The following DYM variants were observed in gnomAD, a reference collection of about 807,000 sequenced individuals.
DYM encodes the protein dymeclin.
In DYM, 78 loss-of-function variants were observed where a neutral mutation model predicts 93.1. That is an observed-to-expected ratio of 0.84 (90% CI 0.70 to 1.01). DYM has a LOEUF of 1.01. DYM is among the 50% of genes least tolerant of loss of function. The pLI is 0.00. For synonymous variants in DYM, 321 were observed against 319.7 expected (o/e 1.00, Z -0.04); for missense variants, 789 against 845.0 (o/e 0.93, Z 0.82).
chr18:49,059,728 C>A (rs940054409), intron 17 of DYM, among the ~76,000 whole-genome samples: 24 of 152,092 alleles, frequency 1.6e-4, no homozygotes, highest in Non-Finnish European at 5.9e-5. Context: ...ACCGGAGACC[C>A]AACATCTTAT....
chr18:49,286,398 C>G (rs200637612), intron 9 of DYM, 36 bp downstream of exon 9: 27 of 1,601,226 alleles, frequency 1.7e-5, no homozygotes, highest in Non-Finnish European at 2.3e-5. Context: ...ATACTCTCCC[C>G]ATTACAAAGA....
intron 13 of DYM, among the ~76,000 whole-genome samples, chr18:49,250,916 T>C (rs1387250130): frequency 1.3e-5 from 2 of 152,224 alleles, no homozygotes; most frequent in Non-Finnish European, 2.9e-5. Flanking sequence ...CCAGACTATG[T>C]CACTTTAAGA....
chr18:49,349,269 TAA>T (rs2064910159), intron 6 of DYM, among the ~76,000 whole-genome samples: 1 of 152,140 alleles, frequency 6.6e-6, no homozygotes, highest in Non-Finnish European at 1.5e-5. Context: ...TTTATTAACT[TAA>T]ATACTATACT....
intron 8 of DYM, among the ~76,000 whole-genome samples, chr18:49,327,039 TG>T (rs1017291617): frequency 4.8e-5 from 2 of 41,812 alleles, no homozygotes; most frequent in Admixed American, 3.0e-4. Flanking sequence ...GTGTGTGTGG[TG>T]GGGGGAGAGA....
At chr18:49,390,135 T>G (rs549049446) in intron 3 of DYM, among the ~76,000 whole-genome samples, 1 of 152,192 alleles carries the variant, frequency 6.6e-6, no homozygotes, top group Non-Finnish European at 1.5e-5. Flanking sequence ...ACAAAAATAT[T>G]TGGGCCCAGG....
intron 14 of DYM, among the ~76,000 whole-genome samples, chr18:49,182,396 G>A (rs867980920): frequency 2.0e-5 from 3 of 152,236 alleles, no homozygotes; most frequent in Middle Eastern, 3.4e-3. Context: ...TATATTGAAA[G>A]CTCCAACTAT....
intron 16 of DYM, among the ~76,000 whole-genome samples, chr18:49,106,159 G>A (rs2080778461): frequency 6.6e-6 from 1 of 152,188 alleles, no homozygotes; most frequent in South Asian, 2.1e-4. Context: ...TTACCATTAT[G>A]TAATGGCCTT....
chr18:49,081,088 T>C (rs1599605471), intron 17 of DYM, among the ~76,000 whole-genome samples: 2 of 147,490 alleles, frequency 1.4e-5, no homozygotes, highest in East Asian at 2.0e-4. Context: ...CGCTCCTCAC[T>C]TCCCAGACGG....
intron 17 of DYM, among the ~76,000 whole-genome samples, chr18:49,052,047 C>A (rs1217882482): frequency 6.6e-6 from 1 of 152,204 alleles, no homozygotes; most frequent in Admixed American, 6.5e-5. Context: ...CTAAAAGATT[C>A]AGAAAGGGTA....
At chr18:49,060,359 A>T (rs2075846571) in intron 17 of DYM, among the ~76,000 whole-genome samples, 2 of 151,576 alleles carry the variant, frequency 1.3e-5, no homozygotes, top group Non-Finnish European at 2.9e-5. Context: ...CCTTCCCACC[A>T]CACTTCCATT....
chr18:49,156,079 G>C lies in DYM; in HGVS notation c.1728+7606C>G, dbSNP rs549434724. 3.6e-4 allele frequency among the ~76,000 whole-genome samples: 55 copies of C among 152,044 alleles called. 1 individual carries two copies. The highest frequency in any genetic ancestry group is 6.8e-4 in the Non-Finnish European group (46 of 68,010). On this transcript the variant is annotated intron_variant, in intron 15 of 17. Transcript: ENST00000675505. ...TGTTATTATCTGCCTTTTTATTCTGGCCATCAAAATAGATGTGTGAAGTGG... is the reference window on the plus strand; with the variant it reads ...TGTTATTATCTGCCTTTTTATTCTGCCCATCAAAATAGATGTGTGAAGTGG...
intron 15 of DYM, chr18:49,126,142 C>T (rs578050803): frequency 6.6e-6 from 1 of 152,184 alleles, no homozygotes; most frequent in African/African-American, 2.4e-5. Flanking sequence ...CTGCTAACCA[C>T]TACTTTAATT....
At chr18:49,199,102 A>G (rs948279973) in intron 14 of DYM, among the ~76,000 whole-genome samples, 5 of 152,212 alleles carry the variant, frequency 3.3e-5, no homozygotes, top group African/African-American at 1.2e-4. Flanking sequence ...GCTGGAAACC[A>G]TCACTCTCAG....
chr18:49,419,037 C>T (rs557699897), intron 2 of DYM, among the ~76,000 whole-genome samples: 37 of 152,236 alleles, frequency 2.4e-4, no homozygotes, highest in African/African-American at 7.5e-4. Context: ...TCCCTTTATA[C>T]GTTTCTCTTA....
At chr18:49,134,878 C>A (rs914366000) in intron 15 of DYM, among the ~76,000 whole-genome samples, 3 of 152,080 alleles carry the variant, frequency 2.0e-5, no homozygotes, top group Non-Finnish European at 4.4e-5. Context: ...GAGGCTGAGG[C>A]GGTGGATCAC....
chr18:49,135,057 G>A (rs1183777588), intron 15 of DYM, among the ~76,000 whole-genome samples: 2 of 152,044 alleles, frequency 1.3e-5, no homozygotes, highest in African/African-American at 4.8e-5. Context: ...GCAGTGAGCT[G>A]ATATCGTGTC....
At chr18:49,394,662 A>C (rs922626400) in intron 2 of DYM, among the ~76,000 whole-genome samples, 6 of 152,188 alleles carry the variant, frequency 3.9e-5, no homozygotes, top group Non-Finnish European at 8.8e-5. Context: ...GATACGTAAC[A>C]AGGGATATTC....
intron 16 of DYM, among the ~76,000 whole-genome samples, chr18:49,100,031 G>A (rs1448885599): frequency 1.3e-5 from 2 of 152,084 alleles, no homozygotes; most frequent in Non-Finnish European, 2.9e-5. Flanking sequence ...TAAGCTTTAC[G>A]TGAATGAACA....
chr18:49,303,306 T>G (rs954008438), intron 8 of DYM, among the ~76,000 whole-genome samples: 1 of 152,174 alleles, frequency 6.6e-6, no homozygotes, highest in East Asian at 1.9e-4. Flanking sequence ...CTCAAATTCC[T>G]CAAAGAATAA....
Sources: allele counts gnomAD v4.1 joint callset (sites outside exome capture counted in the v4.1 genomes callset), GRCh38; gene constraint gnomAD v4.1.1; transcripts MANE v1.5; gene names NCBI Gene and HGNC (gene_info 2026-07-23, HGNC 2026-07-21).